The following ARHGAP42 variants were observed in gnomAD, a reference collection of about 807,000 sequenced individuals.
The protein encoded by ARHGAP42 is rho GTPase-activating protein 42.
Under a neutral mutation model 125.0 loss-of-function variants are expected in ARHGAP42, and 63 were observed. The ratio of observed to expected loss-of-function variants is 0.50; its 90% CI spans 0.41 to 0.62. The LOEUF (loss-of-function observed/expected upper bound fraction) is 0.62. Ranked by LOEUF, ARHGAP42 falls within the 20% of genes least tolerant of loss-of-function variation. The probability of loss-of-function intolerance (pLI) is 0.00; values close to 1 mark genes in which losing one functional copy is unlikely to be tolerated. For synonymous variants in ARHGAP42, 339 were observed against 351.0 expected (o/e 0.97, Z 0.38); for missense variants, 766 against 1,024.2 (o/e 0.75, Z 3.44).
intron 12 of ARHGAP42, among the ~76,000 whole-genome samples, chr11:100,950,691 T>C (rs1010686069): frequency 6.6e-5 from 10 of 152,246 alleles, no homozygotes; most frequent in Non-Finnish European, 1.5e-4. Context: ...TTAGGGTATT[T>C]TCATAAGTGC....
At chr11:100,763,145 A>AT (rs1401918611) in intron 1 of ARHGAP42, among the ~76,000 whole-genome samples, 1 of 150,660 alleles carries the variant, frequency 6.6e-6, no homozygotes, top group Non-Finnish European at 1.5e-5. Flanking sequence ...TGCCCAGCTA[A>AT]TTTTTTTGTA....
intron 3 of ARHGAP42, among the ~76,000 whole-genome samples, chr11:100,805,553 T>C (rs530752654): frequency 6.6e-6 from 1 of 152,276 alleles, no homozygotes; most frequent in South Asian, 2.1e-4. Context: ...ATGAAAGTTA[T>C]TATAGGTGTA....
At chr11:100,858,919 A>G (rs1345274157) in intron 3 of ARHGAP42, among the ~76,000 whole-genome samples, 1 of 152,078 alleles carries the variant, frequency 6.6e-6, no homozygotes, top group Non-Finnish European at 1.5e-5. Context: ...CTCCCATTGT[A>G]GTAGTCTTAC....
chr11:100,858,086 G>GGTGTGTGTGTGTGTGTGTGTGT (rs201861404), intron 3 of ARHGAP42, among the ~76,000 whole-genome samples: 68 of 109,016 alleles, frequency 6.2e-4, no homozygotes, highest in African/African-American at 1.9e-3. Flanking sequence ...TCTGGATAGG[G>GGTGTGTGTGTGTGTGTGTGTGT]GTGTGTGTGT....
At chr11:100,758,482 A>G (rs2120354321) in intron 1 of ARHGAP42, among the ~76,000 whole-genome samples, 1 of 152,268 alleles carries the variant, frequency 6.6e-6, no homozygotes, top group South Asian at 2.1e-4. Context: ...GGACAGTTTG[A>G]CTGTGATGAT....
At chr11:100,922,987 A>C (rs1161506318) in intron 6 of ARHGAP42, among the ~76,000 whole-genome samples, 1 of 152,246 alleles carries the variant, frequency 6.6e-6, no homozygotes, top group Non-Finnish European at 1.5e-5. Flanking sequence ...CAAACAGCTT[A>C]ATCCTTAAAT....
intron 17 of ARHGAP42, among the ~76,000 whole-genome samples, chr11:100,971,442 T>C (rs951208982): frequency 2.6e-5 from 4 of 152,174 alleles, no homozygotes; most frequent in African/African-American, 7.2e-5. Context: ...GAGACAGCAG[T>C]TGAGTATCAG....
At chr11:100,977,536 G>T (rs1438125245) in intron 21 of ARHGAP42, among the ~76,000 whole-genome samples, 1 of 152,192 alleles carries the variant, frequency 6.6e-6, no homozygotes, top group Non-Finnish European at 1.5e-5. Context: ...ACATAGACAT[G>T]AGTAGAAAGT....
intron 5 of ARHGAP42, among the ~76,000 whole-genome samples, chr11:100,920,276 G>GCTGAT (rs1867199698): frequency 2.0e-5 from 3 of 152,178 alleles, no homozygotes; most frequent in Non-Finnish European, 2.9e-5. Flanking sequence ...TGCATGATAA[G>GCTGAT]TATAGATAAT....
chr11:100,719,443 A>G (rs983376174), intron 1 of ARHGAP42, among the ~76,000 whole-genome samples: 1 of 152,216 alleles, frequency 6.6e-6, no homozygotes, highest in African/African-American at 2.4e-5. Context: ...AGATGGATTC[A>G]GAGGACCTTA....
At chr11:100,941,475 T>C (rs649394) in intron 8 of ARHGAP42, among the ~76,000 whole-genome samples, 134,187 of 152,108 alleles carry the variant, frequency 0.88, 59,283 homozygotes, top group East Asian at 1. Context: ...TCATTCCTCA[T>C]TCTTCCTACC....
At chr11:100,873,147 G>C (rs1865735202) in intron 4 of ARHGAP42, among the ~76,000 whole-genome samples, 1 of 152,202 alleles carries the variant, frequency 6.6e-6, no homozygotes, top group Admixed American at 6.5e-5. Context: ...CCTGGCAAAA[G>C]AGAAGACAGG....
At chr11:100,980,585 T>TTTTTTTTTTTC (rs1858516234) in intron 22 of ARHGAP42, among the ~76,000 whole-genome samples, 1 of 110,750 alleles carries the variant, frequency 9.0e-6, no homozygotes, top group Non-Finnish European at 1.9e-5. Context: ...TTTTTTTTTT[T>TTTTTTTTTTTC]TTTTGAGAAA....
At chr11:100,887,945 C>T (rs1866130881) in intron 4 of ARHGAP42, among the ~76,000 whole-genome samples, 1 of 152,250 alleles carries the variant, frequency 6.6e-6, no homozygotes, top group African/African-American at 2.4e-5. Context: ...GCATCACAGT[C>T]CCATCTCTAC....
intron 3 of ARHGAP42, among the ~76,000 whole-genome samples, chr11:100,858,271 G>C (rs1043510475): frequency 1.3e-5 from 2 of 152,066 alleles, no homozygotes; most frequent in Non-Finnish European, 2.9e-5. Context: ...CTCAGAAATG[G>C]GGATTAGGTG....
At chr11:100,875,048 A>G (rs1865778740) in intron 4 of ARHGAP42, among the ~76,000 whole-genome samples, 1 of 144,660 alleles carries the variant, frequency 6.9e-6, no homozygotes. Flanking sequence ...AGGGTTGGCA[A>G]ACTGCTGACT....
chr11:100,740,160 T>C (rs1565549481), intron 1 of ARHGAP42, among the ~76,000 whole-genome samples: 1 of 152,088 alleles, frequency 6.6e-6, no homozygotes, highest in Non-Finnish European at 1.5e-5. Context: ...CTGTTGACAG[T>C]GAAGTCTAAA....
At chr11:100,877,798 A>G (rs563452183) in intron 4 of ARHGAP42, among the ~76,000 whole-genome samples, 1 of 152,160 alleles carries the variant, frequency 6.6e-6, no homozygotes, top group Admixed American at 6.5e-5. Context: ...CGAGGTCAGG[A>G]GTTCGAGACC....
intron 1 of ARHGAP42, among the ~76,000 whole-genome samples, chr11:100,729,496 G>A (rs1370483668): frequency 1.3e-5 from 2 of 152,202 alleles, no homozygotes; most frequent in East Asian, 3.9e-4. Context: ...TTAGACTTGA[G>A]ATTAGATTGA....
Sources: allele counts gnomAD v4.1 joint callset (sites outside exome capture counted in the v4.1 genomes callset), GRCh38; gene constraint gnomAD v4.1.1; transcripts MANE v1.5; gene names NCBI Gene and HGNC (gene_info 2026-07-23, HGNC 2026-07-21).